Variants in NAV2 observed in about 807,000 individuals in gnomAD.
NAV2 encodes neuron navigator 2.
A neutral mutation model predicts 223.2 loss-of-function variants in NAV2; 54 were observed. The observed-to-expected ratio is 0.24, with a 90% CI of 0.19 to 0.30. NAV2 has a LOEUF of 0.30. Among genes scored for constraint, NAV2 ranks in the 10% least tolerant of loss-of-function variants. NAV2 has a pLI of 1.00. For missense variants in NAV2, 2,806 were observed against 3,147.5 expected, an observed-to-expected ratio of 0.89 and a Z score of 2.60; for synonymous variants, 1,279 against 1,239.3, an observed-to-expected ratio of 1.03 and a Z score of -0.67.
At chr11:19,706,648 C>CA (rs2049672332) in intron 1 of NAV2, among the ~76,000 whole-genome samples, 1 of 152,182 alleles carries the variant, frequency 6.6e-6, no homozygotes, top group Non-Finnish European at 1.5e-5. Flanking sequence ...GAGCCGAGAG[C>CA]AATAACTTAT....
At chr11:19,934,742 C>T (rs750771654) in intron 7 of NAV2, among the ~76,000 whole-genome samples, 1 of 152,174 alleles carries the variant, frequency 6.6e-6, no homozygotes, top group Non-Finnish European at 1.5e-5. Context: ...CTTGAACATC[C>T]AGATCCTCAC....
chr11:19,411,367 G>A (rs1850137861), intron 1 of NAV2, among the ~76,000 whole-genome samples: 1 of 152,146 alleles, frequency 6.6e-6, no homozygotes, highest in Non-Finnish European at 1.5e-5. Context: ...GCCACCAATA[G>A]CATTTCCTTC....
Position 20,077,569 on chromosome 11 carries a change from C to A in NAV2, c.5001C>A (p.Ala1667=). 6.2e-7 allele frequency: 1 copy of A among 1,613,924 alleles called. No individual in the cohort carries two copies. Among genetic ancestry groups the A allele is most frequent in the Non-Finnish European group, 8.5e-7 (1 of 1,179,842 alleles). The change falls in exon 23 of 38, where the codon GCC becomes GCA. Residue 1667 remains alanine (A), a synonymous_variant. Transcript: ENST00000349880. ...QLTANAHLVA[A]FEQSLGNMTI... ...CCCTCCAGGCTCACCTTGTGGCAGC[C>A]TTTGAACAGAGTCTTGGTAACATGA...
rs201290805 is a variant in NAV2 at position 20,049,818 on chromosome 11, A to G, written c.4371-18A>G. 2.2e-5 allele frequency: 36 copies of G among 1,612,800 alleles called. No homozygotes were observed. The East Asian group carries it at 7.1e-4, about 32-fold the overall frequency. The stretch of plus-strand genomic sequence containing the variant: ...GCTAACGTTCCTTCTCTTGTTTTCT[A>G]CCTGCCTGGACTTCTAGCCCTCTCT... On this transcript the variant is annotated intron_variant, in intron 15 of 37. Transcript: ENST00000349880.
At chr11:19,948,614 C>T in intron 9 of NAV2, 77 bp from the exon 10 acceptor site, 1 of 1,403,718 alleles carries the variant, frequency 7.1e-7, no homozygotes. Context: ...TTTCATAATT[C>T]TAAATAATTA....
chr11:19,427,311 G>T (rs769936899), intron 1 of NAV2, among the ~76,000 whole-genome samples: 2 of 152,196 alleles, frequency 1.3e-5, no homozygotes, highest in Non-Finnish European at 2.9e-5. Context: ...AGCTCCTGGC[G>T]CACAGCAGGC....
In NAV2 at chr11:19,892,461, C is replaced by T. The variant is rs148237715; in HGVS notation, c.798C>T (p.Ser266=). 2.3e-4 allele frequency: 371 copies of T among 1,614,098 alleles called. No individual in the cohort carries two copies. Among genetic ancestry groups the T allele is most frequent in the Non-Finnish European group, 2.8e-4 (327 of 1,180,006 alleles). ...TTCCAGGTCCTACCGCGAGGGTATC[C>T]GCTGCAGGCAGCGAGGCCAAAACAC... ...SRLPGPTARV[S]AAGSEAKTRG... Residue 266 remains serine (S), a synonymous_variant, in exon 6 of 38, where the codon TCC becomes TCT. Coordinates refer to ENST00000349880, the MANE Select transcript of NAV2 (RefSeq NM_145117.5).
At chr11:19,530,499 A>T (rs1370670689) in intron 1 of NAV2, among the ~76,000 whole-genome samples, 1 of 152,234 alleles carries the variant, frequency 6.6e-6, no homozygotes, top group East Asian at 1.9e-4. Flanking sequence ...ATGCCTGAGA[A>T]CACTGAAGCT....
At chr11:20,053,012 T>C (rs2058111866) in intron 17 of NAV2, among the ~76,000 whole-genome samples, 1 of 148,706 alleles carries the variant, frequency 6.7e-6, no homozygotes. Context: ...AGGGCGGGAG[T>C]TCAAGACCAG....
chr11:20,106,589 G>T (rs970077087), intron 35 of NAV2, among the ~76,000 whole-genome samples: 3 of 148,978 alleles, frequency 2.0e-5, no homozygotes, highest in Admixed American at 2.0e-4. Context: ...TTTTCATTTA[G>T]CACTATCTCA....
At chr11:20,056,504 T>C (rs1271861247) in intron 19 of NAV2, 4 of 1,538,346 alleles carry the variant, frequency 2.6e-6, no homozygotes, top group Non-Finnish European at 3.6e-6. Context: ...GGGGTTGGAT[T>C]TTTATGTTTG....
At chr11:19,597,253 A>C (rs1209797033) in intron 1 of NAV2, among the ~76,000 whole-genome samples, 1 of 152,232 alleles carries the variant, frequency 6.6e-6, no homozygotes, top group Non-Finnish European at 1.5e-5. Context: ...CTAACACATA[A>C]GAAGTGCTCA....
chr11:19,859,259 C>G (rs1255968521), intron 3 of NAV2, among the ~76,000 whole-genome samples: 1 of 144,716 alleles, frequency 6.9e-6, no homozygotes, highest in Admixed American at 7.1e-5. Flanking sequence ...ACAAAGGTCT[C>G]TGGTTTTCCT....
chr11:19,644,290 T>C (rs1399310173), intron 1 of NAV2, among the ~76,000 whole-genome samples: 1 of 152,228 alleles, frequency 6.6e-6, no homozygotes, highest in Non-Finnish European at 1.5e-5. Context: ...AAACTTGTCC[T>C]TGTGTATAGC....
intron 1 of NAV2, among the ~76,000 whole-genome samples, chr11:19,580,171 G>A (rs2045675607): frequency 6.6e-6 from 1 of 152,058 alleles, no homozygotes; most frequent in Non-Finnish European, 1.5e-5. Context: ...TTGCCAGGTG[G>A]CTGTTACTGT....
chr11:19,901,604 G>A (rs1212335891), intron 6 of NAV2, among the ~76,000 whole-genome samples: 2 of 152,154 alleles, frequency 1.3e-5, no homozygotes, highest in Non-Finnish European at 2.9e-5. Context: ...ATTGTTATGG[G>A]GAATGGAGGT....
At chr11:19,860,766 C>T (rs1366998514) in intron 3 of NAV2, among the ~76,000 whole-genome samples, 4 of 152,046 alleles carry the variant, frequency 2.6e-5, no homozygotes, top group Admixed American at 6.5e-5. Flanking sequence ...AAGGAGACTC[C>T]GTCTGCAATC....
Position 19,615,563 on chromosome 11 carries a change from T to C in NAV2, c.76-216921T>C, listed in dbSNP as rs116402179. On this transcript the variant is annotated intron_variant, in intron 1 of 37. Transcript: ENST00000360655. Reference sequence around the variant, plus strand: ...ATGCATTTTTAGTAACAATAATAAATGCAAAACAGTGGCTAGGCGCTCAGT... The same window carrying C: ...ATGCATTTTTAGTAACAATAATAAACGCAAAACAGTGGCTAGGCGCTCAGT... 9.9e-3 allele frequency among the ~76,000 whole-genome samples: 1,510 copies of C among 152,176 alleles called. 25 individuals are homozygous for C. Among genetic ancestry groups the C allele is most frequent in the African/African-American group, 0.034 (1,402 of 41,526 alleles).
intron 1 of NAV2, among the ~76,000 whole-genome samples, chr11:19,674,574 A>G (rs1044738422): frequency 6.6e-6 from 1 of 152,234 alleles, no homozygotes; most frequent in Non-Finnish European, 1.5e-5. Context: ...TTCAAACAAA[A>G]GGTGGGGGCA....
Sources: gnomAD v4.1 joint callset for allele counts (sites outside exome capture counted in the v4.1 genomes callset) on GRCh38, gnomAD v4.1.1 for gene constraint, MANE v1.5 for transcripts, NCBI Gene and HGNC (gene_info 2026-07-23, HGNC 2026-07-21) for gene names.